The following LCORL variants were observed in gnomAD, a reference collection of about 807,000 sequenced individuals.
The protein encoded by LCORL is ligand-dependent nuclear receptor corepressor-like protein.
Under a neutral mutation model 141.8 loss-of-function variants are expected in LCORL, and 41 were observed. The observed-to-expected ratio is 0.29, with a 90% CI of 0.23 to 0.38. The LOEUF (loss-of-function observed/expected upper bound fraction) is 0.38, where lower values mean the gene tolerates loss of function less well. Ranked by LOEUF, LCORL falls within the 10% of genes least tolerant of loss-of-function variation. The pLI, the probability that LCORL is intolerant of heterozygous loss-of-function variation, is 1.00. For missense variants in LCORL, 1,759 were observed against 2,035.0 expected, an observed-to-expected ratio of 0.86 and a Z score of 2.61; for synonymous variants, 618 against 694.1, an observed-to-expected ratio of 0.89 and a Z score of 1.72.
intron 1 of LCORL, among the ~76,000 whole-genome samples, chr4:18,013,659 T>C (rs1724154225): frequency 1.3e-5 from 2 of 152,224 alleles, no homozygotes; most frequent in Non-Finnish European, 2.9e-5. Context: ...CTAAACAGTT[T>C]ATAATTTAAA....
chr4:17,980,811 T>C (rs1717846329), intron 1 of LCORL, among the ~76,000 whole-genome samples: 1 of 152,120 alleles, frequency 6.6e-6, no homozygotes, highest in Non-Finnish European at 1.5e-5. Context: ...TCCTGTTAGA[T>C]CAGATTCTCA....
rs112268534 is a variant in LCORL, at chr4:17,877,045, T to C, written c.1945A>G (p.Lys649Glu). 797 of 1,230,776 alleles carry C rather than the reference T, an allele frequency of 6.5e-4. 1 individual carries two copies. In the African/African-American group the frequency reaches 8.6e-3, roughly 13 times the overall value. 76.2% of individuals were successfully genotyped at this position (1,230,776 alleles called of 1,614,324 possible). The change falls in exon 7 of 8, where the codon AAA (lysine) becomes GAA (glutamate). Residue 649 changes from lysine to glutamate, a missense_variant. By Grantham distance (56) the Lys-to-Glu change is moderately conservative (BLOSUM62 1). Coordinates refer to ENST00000635767, the Ensembl canonical transcript of LCORL. ...TTTTGTGTCAATTTCCTTGAACTTT[T>C]TTCGGTGTATTTTTTTCTTGTAAAA... is the stretch of plus-strand genomic sequence containing the variant.
intron 1 of LCORL, among the ~76,000 whole-genome samples, chr4:18,003,660 A>T (rs1160275764): frequency 6.6e-6 from 1 of 152,226 alleles, no homozygotes; most frequent in Non-Finnish European, 1.5e-5. Context: ...GGTAACTGGT[A>T]GGGAGATAGA....
chr4:17,995,205 A>ATTTTT (rs10602340), intron 1 of LCORL, among the ~76,000 whole-genome samples: 2 of 134,610 alleles, frequency 1.5e-5, no homozygotes, highest in Non-Finnish European at 3.3e-5. Context: ...TCTTTTAAGC[A>ATTTTT]TTTTTTTTTT....
At chr4:18,005,357 T>C (rs936431207) in intron 1 of LCORL, among the ~76,000 whole-genome samples, 1 of 152,174 alleles carries the variant, frequency 6.6e-6, no homozygotes. Flanking sequence ...CCCAGCTGCT[T>C]TCACAGGCTG....
At chr4:17,990,445 T>C (rs1485407591) in intron 1 of LCORL, among the ~76,000 whole-genome samples, 1 of 146,538 alleles carries the variant, frequency 6.8e-6, no homozygotes, top group African/African-American at 2.5e-5. Context: ...AGGTCAGACC[T>C]ACTCACATAA....
chr4:17,867,350 A>G (rs977055203), intron 7 of LCORL, among the ~76,000 whole-genome samples: 1 of 152,140 alleles, frequency 6.6e-6, no homozygotes, highest in Non-Finnish European at 1.5e-5. Context: ...AGTGCCAGGT[A>G]GTAAATATTT....
chr4:17,936,798 G>A (rs1031266859), intron 4 of LCORL, among the ~76,000 whole-genome samples: 2 of 152,000 alleles, frequency 1.3e-5, no homozygotes, highest in African/African-American at 4.8e-5. Flanking sequence ...TGCAGTAGGG[G>A]TGGCACAATA....
exon 8 of LCORL, chr4:17,842,987 G>T (rs186921147): frequency 2.2e-5 from 4 of 177,834 alleles, no homozygotes; most frequent in Non-Finnish European, 3.6e-5. Flanking sequence ...GAGTTTCAAA[G>T]AAATCTCTTT....
At chr4:17,882,045 A>C in intron 6 of LCORL, 2 of 983,402 alleles carry the variant, frequency 2.0e-6, no homozygotes, top group Non-Finnish European at 2.4e-6. Flanking sequence ...AAGAGGGTTA[A>C]GTATAGATCT....
intron 4 of LCORL, among the ~76,000 whole-genome samples, chr4:17,944,589 C>T (rs1738532700): frequency 6.6e-6 from 1 of 152,122 alleles, no homozygotes; most frequent in South Asian, 2.1e-4. Context: ...TCCTTACTTT[C>T]TGGCAACACA....
intron 4 of LCORL, among the ~76,000 whole-genome samples, chr4:17,929,888 G>A (rs1167450005): frequency 6.6e-6 from 1 of 152,118 alleles, no homozygotes; most frequent in Non-Finnish European, 1.5e-5. Flanking sequence ...CACCATACAT[G>A]AAGAACTCCT....
chr4:17,886,638 T>C (rs947489757), intron 5 of LCORL, among the ~76,000 whole-genome samples: 6 of 152,074 alleles, frequency 3.9e-5, no homozygotes, highest in African/African-American at 1.2e-4. Context: ...GCTGTACGTA[T>C]AAACATGTAT....
chr4:17,996,386 G>A (rs900319344), intron 1 of LCORL, among the ~76,000 whole-genome samples: 4 of 151,868 alleles, frequency 2.6e-5, no homozygotes, highest in Admixed American at 6.6e-5. Context: ...TTAAATAGGA[G>A]GTTTGTTTAG....
chr4:17,945,955 T>C lies in LCORL; in HGVS notation c.430+15948A>G, dbSNP rs76660708. On this transcript the variant is annotated intron_variant, in intron 4 of 7. Coordinates refer to ENST00000635767, the Ensembl canonical transcript of LCORL. ...AACTTAGAAACTTAATGAGACAAAATTTAAAAAGAAATAAGAAATAGAAAA... is the reference window on the plus strand; with the variant it reads ...AACTTAGAAACTTAATGAGACAAAACTTAAAAAGAAATAAGAAATAGAAAA... Among the ~76,000 whole-genome samples the C allele has an allele frequency of 3.6e-4, 55 of 151,970 alleles. No individual in the cohort carries two copies. In the East Asian group the frequency reaches 0.01, roughly 29 times the overall value.
chr4:17,843,287 T>G, exon 8 of LCORL: 2 of 1,601,638 alleles, frequency 1.2e-6, no homozygotes, highest in Non-Finnish European at 1.7e-6. Context: ...TCGTGTATTT[T>G]CAACATCTAT....
chr4:17,855,933 C>T (rs1013022911), intron 7 of LCORL, among the ~76,000 whole-genome samples: 7 of 152,292 alleles, frequency 4.6e-5, no homozygotes, highest in Non-Finnish European at 8.8e-5. Flanking sequence ...GGATCCTCAC[C>T]ATGATGCTTA....
At chr4:17,972,026 AC>A (rs757971126) in intron 2 of LCORL, among the ~76,000 whole-genome samples, 36 of 151,922 alleles carry the variant, frequency 2.4e-4, no homozygotes, top group Non-Finnish European at 4.0e-4. Flanking sequence ...TTGCTACAAT[AC>A]CACTACCAAG....
At chr4:17,949,486 A>C (rs950471470) in intron 4 of LCORL, among the ~76,000 whole-genome samples, 11 of 152,070 alleles carry the variant, frequency 7.2e-5, no homozygotes, top group Admixed American at 3.3e-4. Context: ...GAGAGCCCTG[A>C]ATAGTCTCCC....
Sources: allele counts gnomAD v4.1 joint callset (sites outside exome capture counted in the v4.1 genomes callset), GRCh38; gene constraint gnomAD v4.1.1; transcripts MANE v1.5; gene names NCBI Gene and HGNC (gene_info 2026-07-23, HGNC 2026-07-21).